MEI1: variants seen among roughly 807,000 people sequenced by gnomAD.
MEI1 encodes meiosis inhibitor protein 1.
A neutral mutation model predicts 146.2 loss-of-function variants in MEI1; 103 were observed. That is an observed-to-expected ratio of 0.70 (90% CI 0.60 to 0.83). The LOEUF is 0.83. Among genes scored for constraint, MEI1 ranks in the 40% least tolerant of loss-of-function variants. The pLI is 0.00. For missense variants in MEI1, 1,529 were observed against 1,533.0 expected, an observed-to-expected ratio of 1.00 and a Z score of 0.04; for synonymous variants, 652 against 628.2, an observed-to-expected ratio of 1.04 and a Z score of -0.57.
At chr22:41,729,049 A>G (rs1031160156) in intron 7 of MEI1, among the ~76,000 whole-genome samples, 2 of 151,168 alleles carry the variant, frequency 1.3e-5, no homozygotes, top group African/African-American at 4.9e-5. Context: ...CTGTAGTCCC[A>G]GCTACTCAGG....
At chr22:41,780,265 G>C (rs2075685618) in intron 22 of MEI1, among the ~76,000 whole-genome samples, 1 of 152,204 alleles carries the variant, frequency 6.6e-6, no homozygotes, top group East Asian at 1.9e-4. Context: ...GCAGAGAGTA[G>C]AGGACTGTGG....
chr22:41,756,768 C>T (rs1466069363), intron 17 of MEI1, among the ~76,000 whole-genome samples: 3 of 152,264 alleles, frequency 2.0e-5, no homozygotes, highest in Non-Finnish European at 4.4e-5. Flanking sequence ...GCCACCACGC[C>T]TATCCTTCTT....
At chr22:41,724,219 G>A in intron 7 of MEI1, 146 bp downstream of exon 7, 3 of 1,045,094 alleles carry the variant, frequency 2.9e-6, no homozygotes, top group Non-Finnish European at 4.1e-6. Context: ...GGGGGCGGTG[G>A]CTCATGTCTG....
intron 7 of MEI1, among the ~76,000 whole-genome samples, chr22:41,724,834 G>A (rs530892168): frequency 2.7e-5 from 4 of 149,454 alleles, no homozygotes; most frequent in South Asian, 4.2e-4. Flanking sequence ...CCGAGGTCTT[G>A]CTCTCTCCAC....
chr22:41,757,082 A>G (rs2074139564), intron 17 of MEI1, among the ~76,000 whole-genome samples: 1 of 151,402 alleles, frequency 6.6e-6, no homozygotes, highest in African/African-American at 2.4e-5. Context: ...CTCACCCTCC[A>G]CAGTTTGTTT....
intron 26 of MEI1, among the ~76,000 whole-genome samples, chr22:41,787,673 C>A (rs2076039255): frequency 6.6e-6 from 1 of 152,156 alleles, no homozygotes; most frequent in Non-Finnish European, 1.5e-5. Flanking sequence ...TCTAAAAGCG[C>A]TGATGTTCCT....
chr22:41,706,110 C>T (rs2069076539), intron 3 of MEI1, among the ~76,000 whole-genome samples: 3 of 151,998 alleles, frequency 2.0e-5, no homozygotes, highest in Non-Finnish European at 4.4e-5. Context: ...CCTTGAACTC[C>T]TGGGTTCAAG....
intron 1 of MEI1, among the ~76,000 whole-genome samples, chr22:41,700,898 C>T (rs1319971721): frequency 4.0e-5 from 6 of 151,208 alleles, no homozygotes; most frequent in East Asian, 1.9e-4. Flanking sequence ...TGTGAGCCAC[C>T]GTGCCTGGCT....
chr22:41,751,689 T>C (rs1054272790), intron 15 of MEI1, among the ~76,000 whole-genome samples: 3 of 151,578 alleles, frequency 2.0e-5, no homozygotes, highest in Non-Finnish European at 2.9e-5. Flanking sequence ...GGAGACTCGC[T>C]TGAACCTGCG....
At chr22:41,718,490 G>C (rs1320609075) in intron 6 of MEI1, among the ~76,000 whole-genome samples, 1 of 152,126 alleles carries the variant, frequency 6.6e-6, no homozygotes, top group Non-Finnish European at 1.5e-5. Context: ...AGGAAGGAAA[G>C]TGGGACAGCA....
intron 4 of MEI1, among the ~76,000 whole-genome samples, chr22:41,715,084 A>G (rs913254777): frequency 1.3e-5 from 2 of 151,282 alleles, no homozygotes; most frequent in Non-Finnish European, 3.0e-5. Flanking sequence ...TGAATTTATA[A>G]TTATATATAT....
At chr22:41,753,835 A>T in intron 16 of MEI1, 114 bp from the exon 17 acceptor site, 1 of 779,810 alleles carries the variant, frequency 1.3e-6, no homozygotes, top group Non-Finnish European at 2.2e-6. Context: ...CATGGCTAGA[A>T]TTTCACTAGC....
intron 14 of MEI1, among the ~76,000 whole-genome samples, chr22:41,747,565 G>A (rs545662621): frequency 3.3e-5 from 5 of 152,102 alleles, no homozygotes; most frequent in South Asian, 2.1e-4. Context: ...TTAGCCGGGC[G>A]TGATGGCGCA....
At position 41,754,079 on chromosome 22, in the gene MEI1, CT is replaced by C. The variant is rs756132454; in HGVS notation, c.1951+34del. On this transcript the variant is annotated intron_variant, in intron 17 of 30. Transcript: ENST00000401548. ...GCTACAATTTGACCACTCATGTGGCCTGTGCTGGTCTTTAGAGTCTGGGTGC... is the reference window on the plus strand; with the variant it reads ...GCTACAATTTGACCACTCATGTGGCCGTGCTGGTCTTTAGAGTCTGGGTGC... 4.1e-5 allele frequency: 61 copies of C among 1,493,768 alleles called. No homozygotes were observed. In the African/African-American group the frequency reaches 8.3e-4, roughly 20 times the overall value. 92.5% of individuals were successfully genotyped at this position (1,493,768 alleles called of 1,614,324 possible).
At chr22:41,770,116 A>G (rs560948538) in intron 19 of MEI1, among the ~76,000 whole-genome samples, 1 of 151,986 alleles carries the variant, frequency 6.6e-6, no homozygotes, top group Admixed American at 6.6e-5. Flanking sequence ...CCTGGGCAAC[A>G]GGAGCGAAAC....
intron 17 of MEI1, among the ~76,000 whole-genome samples, chr22:41,757,256 G>A (rs973041616): frequency 2.9e-4 from 44 of 152,186 alleles, no homozygotes; most frequent in African/African-American, 1.1e-3. Context: ...CACCTCGCCT[G>A]GCTATTTTTT....
chr22:41,753,821 C>T (rs754539230), intron 16 of MEI1, 128 bp from the exon 17 acceptor site: 195 of 707,524 alleles, frequency 2.8e-4, no homozygotes, highest in South Asian at 1.1e-4. Flanking sequence ...TCCTCTGCCA[C>T]GGCCATGGCT....
intron 19 of MEI1, among the ~76,000 whole-genome samples, chr22:41,764,150 C>T (rs150189290): frequency 0.01 from 1,584 of 152,064 alleles, 27 homozygotes; most frequent in African/African-American, 0.037. Flanking sequence ...TTAGTAGAGA[C>T]GGGGTTTCAT....
chr22:41,699,558 C>G lies in MEI1; in HGVS notation c.20C>G (p.Ala7Gly), dbSNP rs754116769. ...GAGGAGATGGCTGTGAGGCAGGCGG[C>G]GACGGCGGGCACTCCCGGGCCCAGG... Reference protein sequence around the residue: MAVRQAATAGTPGPRRE... With the variant: MAVRQAGTAGTPGPRRE... The change falls in exon 1 of 31, where the codon GCG (alanine) becomes GGG (glycine). Residue 7 changes from alanine to glycine, a missense_variant. Ala to Gly is a moderately conservative substitution (Grantham distance 60, BLOSUM62 0). Around this residue, in one of 3 missense-constraint regions of MEI1, gnomAD observed 1,212 missense variants for 1,178.9 expected, o/e 1.03. Coordinates refer to ENST00000401548, the MANE Select transcript of MEI1 (RefSeq NM_152513.4). 3.7e-6 allele frequency: 6 copies of G among 1,611,478 alleles called. No individual in the cohort carries two copies. Among genetic ancestry groups the G allele is most frequent in the Non-Finnish European group, 5.1e-6 (6 of 1,178,882 alleles).
Sources: gnomAD v4.1 joint callset for allele counts (sites outside exome capture counted in the v4.1 genomes callset) on GRCh38, gnomAD v4.1.1 for gene constraint, gnomAD v4.1.1 regional missense constraint, MANE v1.5 for transcripts, NCBI Gene and HGNC (gene_info 2026-07-23, HGNC 2026-07-21) for gene names.